The following VAV1 variants were observed in gnomAD, a reference collection of about 807,000 sequenced individuals.
VAV1 encodes the protein vav guanine nucleotide exchange factor 1.
Under a neutral mutation model 128.1 loss-of-function variants are expected in VAV1, and 33 were observed. The ratio of observed to expected loss-of-function variants is 0.26; its 90% confidence interval spans 0.20 to 0.34. VAV1 has a LOEUF of 0.34. Among genes scored for constraint, VAV1 ranks in the 10% least tolerant of loss-of-function variants. The probability of loss-of-function intolerance (pLI) is 1.00; values close to 1 mark genes in which losing one functional copy is unlikely to be tolerated. For missense variants in VAV1, 715 were observed against 1,093.7 expected (o/e 0.65, Z 4.88); for synonymous variants, 394 against 409.8 (o/e 0.96, Z 0.47).
At chr19:6,789,316 G>A (rs1020045643) in intron 1 of VAV1, among the ~76,000 whole-genome samples, 4 of 150,812 alleles carry the variant, frequency 2.7e-5, no homozygotes, top group Non-Finnish European at 5.9e-5. Flanking sequence ...GCAGTGGCGC[G>A]ATCTCGTCTC....
At chr19:6,837,117 G>T in intron 21 of VAV1, 67 bp downstream of exon 21, 1 of 1,518,044 alleles carries the variant, frequency 6.6e-7, no homozygotes, top group South Asian at 1.1e-5. Context: ...AGGATGGACA[G>T]ACTTGGAAAG....
chr19:6,802,989 C>T lies in VAV1; in HGVS notation c.205-17713C>T, dbSNP rs57282747. Among the ~76,000 whole-genome samples, 682 of 152,272 alleles carry T rather than the reference C, an allele frequency of 4.5e-3. 5 individuals are homozygous for T. The highest frequency in any genetic ancestry group is 0.015 in the African/African-American group (626 of 41,548). On this transcript the variant is annotated intron_variant, in intron 1 of 26. Coordinates refer to ENST00000602142, the MANE Select transcript of VAV1 (RefSeq NM_005428.4). ...AAAACTTACACTCAAGTCTTTGTAG[C>T]GGCTTTATTCATGATTGCTGAAACT...
intron 1 of VAV1, among the ~76,000 whole-genome samples, chr19:6,789,348 G>T (rs1409207749): frequency 1.3e-5 from 2 of 151,588 alleles, no homozygotes; most frequent in African/African-American, 4.9e-5. Flanking sequence ...CACCTCCCAG[G>T]TTCACGCCAT....
intron 23 of VAV1, 27 bp from the exon 24 acceptor site, chr19:6,850,640 ACTC>A: frequency 6.2e-7 from 1 of 1,602,964 alleles, no homozygotes; most frequent in Non-Finnish European, 8.5e-7. Flanking sequence ...TGGTCCCCAG[ACTC>A]AGGGCCCGGT....
intron 1 of VAV1, among the ~76,000 whole-genome samples, chr19:6,801,667 A>C (rs1971273239): frequency 6.6e-6 from 1 of 151,646 alleles, no homozygotes; most frequent in African/African-American, 2.4e-5. Flanking sequence ...GGTAACAGGC[A>C]TTTCCGGTTT....
rs1972145660 is a variant in VAV1 at position 6,833,616 on chromosome 19, C to A, written c.1699C>A (p.His567Asn). The stretch of plus-strand genomic sequence containing the variant: ...GGGGAGGGTCCCTCCATGTGGCCGA[C>A]ATGGGCAAGGTACGAGTGGGAGGGA... ...CLGRVPPCGR[H>N]GQDFPGTMKK... Residue 567 changes from histidine to asparagine, a missense_variant, in exon 17 of 27, where the codon CAT becomes AAT. Physicochemically the swap from His to Asn is moderately conservative, Grantham distance 68. Coordinates refer to ENST00000602142, the MANE Select transcript of VAV1 (RefSeq NM_005428.4). 3.7e-6 allele frequency: 6 copies of A among 1,613,874 alleles called. No individual in the cohort carries two copies. The highest frequency in any genetic ancestry group is 4.2e-6 in the Non-Finnish European group (5 of 1,179,854).
intron 1 of VAV1, among the ~76,000 whole-genome samples, chr19:6,802,276 C>T (rs1971292427): frequency 6.6e-6 from 1 of 151,952 alleles, no homozygotes; most frequent in East Asian, 1.9e-4. Flanking sequence ...ACCAACATGA[C>T]ACATGTATAC....
At chr19:6,850,533 C>T in intron 23 of VAV1, 137 bp from the exon 24 acceptor site, 1 of 727,490 alleles carries the variant, frequency 1.4e-6, no homozygotes, top group Non-Finnish European at 2.4e-6. Flanking sequence ...GGAATGGGCT[C>T]TGTTGGGACA....
chr19:6,774,921 ATT>A (rs61404391), intron 1 of VAV1, among the ~76,000 whole-genome samples: 162 of 137,342 alleles, frequency 1.2e-3, no homozygotes, highest in African/African-American at 4.0e-3. Flanking sequence ...TGCCTGCCTA[ATT>A]TTTTTTTTTT....
chr19:6,781,798 G>A (rs1970772696), intron 1 of VAV1, among the ~76,000 whole-genome samples: 1 of 152,034 alleles, frequency 6.6e-6, no homozygotes, highest in African/African-American at 2.4e-5. Context: ...AGTAGAGACA[G>A]GGTTTCGCCA....
intron 1 of VAV1, among the ~76,000 whole-genome samples, chr19:6,819,445 A>T (rs137909570): frequency 2.6e-5 from 4 of 152,342 alleles, no homozygotes; most frequent in Non-Finnish European, 4.4e-5. Context: ...GACATTTCCT[A>T]TGAATAGAAT....
chr19:6,807,363 G>C (rs1438996726), intron 1 of VAV1, among the ~76,000 whole-genome samples: 1 of 152,016 alleles, frequency 6.6e-6, no homozygotes, highest in African/African-American at 2.4e-5. Flanking sequence ...CCGATAAGGA[G>C]CGCACAAGGT....
chr19:6,850,763 G>A lies in VAV1; in HGVS notation c.2217+6G>A. 1 of 1,613,740 alleles carries A rather than the reference G, an allele frequency of 6.2e-7. No homozygotes were observed. The highest frequency in any genetic ancestry group is 1.1e-5 in the South Asian group (1 of 91,028). ...AGGCTTTCCGGGGGCTTACGGTAAG[G>A]GTCAATGTCCGCTCAATCCCAGCTT... is the stretch of plus-strand genomic sequence containing the variant. On this transcript the variant is annotated splice_donor_region_variant and intron_variant, in intron 24 of 26. Coordinates refer to ENST00000602142, the MANE Select transcript of VAV1 (RefSeq NM_005428.4).
chr19:6,799,664 G>A (rs1375457648), intron 1 of VAV1, among the ~76,000 whole-genome samples: 3 of 151,820 alleles, frequency 2.0e-5, no homozygotes, highest in African/African-American at 7.3e-5. Flanking sequence ...TTGAATTACT[G>A]ATGGCACTTT....
Position 6,833,704 on chromosome 19 carries a change from C to G in VAV1, c.1709-7C>G. ...CCGTTCTCACCATTTCCTTTACCCTCCCGTAGATTTCCCAGGAACTATGAA... is the reference window on the plus strand; with the variant it reads ...CCGTTCTCACCATTTCCTTTACCCTGCCGTAGATTTCCCAGGAACTATGAA... On this transcript the variant is annotated splice_region_variant and splice_polypyrimidine_tract_variant and intron_variant, in intron 17 of 26. Transcript: ENST00000602142. 6.2e-7 allele frequency: 1 copy of G among 1,614,154 alleles called. No homozygotes were observed. Among genetic ancestry groups the G allele is most frequent in the Non-Finnish European group, 8.5e-7 (1 of 1,180,022 alleles).
At chr19:6,800,135 A>AT (rs199977948) in intron 1 of VAV1, among the ~76,000 whole-genome samples, 2,253 of 148,194 alleles carry the variant, frequency 0.015, 50 homozygotes, top group African/African-American at 0.052. Flanking sequence ...CTGTTTCTTA[A>AT]TTTTTTTTTT....
In VAV1 at chr19:6,850,713, G is replaced by A. The variant is rs267605754; in HGVS notation, c.2173G>A (p.Gly725Arg). The change falls in exon 24 of 27, where the codon GGA becomes AGA. Residue 725 changes from glycine to arginine, a missense_variant. This residue lies in a region of VAV1 where 407 missense variants were observed against 580.6 expected (regional missense o/e 0.70). Coordinates refer to ENST00000602142, the MANE Select transcript of VAV1 (RefSeq NM_005428.4). ...GCACATTAAAATCATGACAGCAGAA[G>A]GACTGTACCGGATCACAGAGAAAAA... is the stretch of plus-strand genomic sequence containing the variant. Reference protein sequence around the residue: ...VKHIKIMTAEGLYRITEKKAF... With the variant: ...VKHIKIMTAERLYRITEKKAF... 1 of 1,614,036 alleles carries A rather than the reference G, an allele frequency of 6.2e-7. No individual in the cohort carries two copies. Among genetic ancestry groups the A allele is most frequent in the South Asian group, 1.1e-5 (1 of 91,066 alleles).
chr19:6,808,004 A>G (rs528669912), intron 1 of VAV1, among the ~76,000 whole-genome samples: 46 of 148,958 alleles, frequency 3.1e-4, no homozygotes, highest in East Asian at 7.8e-4. Flanking sequence ...AAAAAAAAAA[A>G]AAAAGAAAAG....
intron 21 of VAV1, among the ~76,000 whole-genome samples, chr19:6,839,564 G>A (rs762407953): frequency 7.9e-5 from 12 of 152,080 alleles, no homozygotes; most frequent in Middle Eastern, 3.2e-3. Context: ...CACCACGCCC[G>A]GCTGGGTATG....
Sources: gnomAD v4.1 joint callset for allele counts (sites outside exome capture counted in the v4.1 genomes callset) on GRCh38, gnomAD v4.1.1 for gene constraint, gnomAD v4.1.1 regional missense constraint, MANE v1.5 for transcripts, NCBI Gene and HGNC (gene_info 2026-07-23, HGNC 2026-07-21) for gene names.